NEBL: variants seen among roughly 807,000 people sequenced by gnomAD.
NEBL encodes LIM and SH3 protein 2.
NEBL carries 122 observed loss-of-function variants against 140.2 expected under a neutral mutation model. The ratio of observed to expected loss-of-function variants is 0.87; its 90% CI spans 0.75 to 1.01. The LOEUF is 1.01. Among genes scored for constraint, NEBL ranks in the 50% least tolerant of loss-of-function variants. The pLI is 0.00. For missense variants in NEBL, 1,365 were observed against 1,231.3 expected (o/e 1.11, Z -1.62); for synonymous variants, 436 against 398.9 (o/e 1.09, Z -1.11).
At chr10:21,108,141 G>A (rs1353390422) in intron 2 of NEBL, among the ~76,000 whole-genome samples, 1 of 151,946 alleles carries the variant, frequency 6.6e-6, no homozygotes, top group Non-Finnish European at 1.5e-5. Context: ...TTTTGAAGGG[G>A]TTTTTATGTC....
At chr10:20,885,068 A>AAT (rs138077240) in intron 4 of NEBL, among the ~76,000 whole-genome samples, 19,405 of 152,186 alleles carry the variant, frequency 0.13, 1,582 homozygotes, top group African/African-American at 0.24. Flanking sequence ...ACTTTAAGAT[A>AAT]AGTTTGTTTT....
At chr10:20,813,691 CTA>C (rs749137631) in intron 23 of NEBL, 7 of 466,710 alleles carry the variant, frequency 1.5e-5, no homozygotes, top group Middle Eastern at 5.9e-4. Flanking sequence ...ATCTTTCACA[CTA>C]TGAGTTTACA....
At chr10:21,271,987 T>C (rs1842865531) in intron 1 of NEBL, among the ~76,000 whole-genome samples, 1 of 151,632 alleles carries the variant, frequency 6.6e-6, no homozygotes, top group Non-Finnish European at 1.5e-5. Flanking sequence ...AGATGGAGTC[T>C]CACTCTGTCA....
intron 13 of NEBL, among the ~76,000 whole-genome samples, chr10:20,840,138 A>T (rs548506844): frequency 2.0e-5 from 3 of 152,124 alleles, no homozygotes; most frequent in African/African-American, 7.2e-5. Flanking sequence ...GAGTTTCAAA[A>T]TATGGGGACA....
At chr10:21,004,448 C>A (rs751829260) in intron 3 of NEBL, among the ~76,000 whole-genome samples, 1 of 152,122 alleles carries the variant, frequency 6.6e-6, no homozygotes, top group African/African-American at 2.4e-5. Flanking sequence ...GGGCCGGGCA[C>A]GGTGGCTCAC....
rs957204366 is a variant in NEBL at position 21,118,637 on chromosome 10, A to G, written c.164+53746T>C. 1.1e-4 allele frequency among the ~76,000 whole-genome samples: 16 copies of G among 152,128 alleles called. 1 individual carries two copies. The highest frequency in any genetic ancestry group is 3.9e-4 in the African/African-American group (16 of 41,438). ...TGTTTCTTTACTGAAAAAAAAAACT[A>G]TTATTTGTTAGATGTATTTAGACAC... On this transcript the variant is annotated intron_variant, in intron 2 of 6. Transcript: ENST00000417816.
intron 1 of NEBL, among the ~76,000 whole-genome samples, chr10:21,288,850 A>AT (rs1554836851): frequency 0.02 from 1,434 of 73,074 alleles, 67 homozygotes; most frequent in African/African-American, 0.062. Context: ...ATATATATAT[A>AT]AAAATTTTTT....
intron 2 of NEBL, among the ~76,000 whole-genome samples, chr10:21,121,509 T>A (rs527708994): frequency 2.6e-5 from 4 of 152,350 alleles, no homozygotes; most frequent in African/African-American, 9.6e-5. Context: ...CAAGTTGTCA[T>A]AGGAAAAGTC....
At chr10:21,176,825 A>C (rs781212244), upstream of NEBL, among the ~76,000 whole-genome samples, 7 of 152,232 alleles carry the variant, frequency 4.6e-5, no homozygotes, top group Non-Finnish European at 5.9e-5. Flanking sequence ...CTGTATTTAT[A>C]AAGTTGAATT....
chr10:20,798,818 T>A (rs1344974348), intron 26 of NEBL, among the ~76,000 whole-genome samples: 2 of 152,216 alleles, frequency 1.3e-5, no homozygotes, highest in African/African-American at 4.8e-5. Flanking sequence ...TTTGACTGAA[T>A]CTTGGCACAT....
At chr10:20,982,355 G>C (rs1268421281) in intron 3 of NEBL, among the ~76,000 whole-genome samples, 4 of 150,056 alleles carry the variant, frequency 2.7e-5, no homozygotes, top group African/African-American at 1.0e-4. Context: ...ATTTCAGCAA[G>C]GGTATCCTAT....
intron 19 of NEBL, among the ~76,000 whole-genome samples, chr10:20,821,639 A>G (rs1839324908): frequency 6.6e-6 from 1 of 152,214 alleles, no homozygotes; most frequent in African/African-American, 2.4e-5. Flanking sequence ...GAAGGTAAAC[A>G]TTAGAACAAT....
At chr10:20,897,700 G>A (rs1300870416), upstream of NEBL, 9 of 271,824 alleles carry the variant, frequency 3.3e-5, no homozygotes, top group Non-Finnish European at 5.1e-5. Flanking sequence ...TTGGGGTAGT[G>A]AATCTGGATC....
chr10:21,086,845 C>T (rs1160273532), intron 2 of NEBL, among the ~76,000 whole-genome samples: 1 of 152,148 alleles, frequency 6.6e-6, no homozygotes, highest in East Asian at 1.9e-4. Flanking sequence ...ATGACAAAGA[C>T]AGATACCAGT....
At chr10:21,029,226 T>C in intron 2 of NEBL, 3 of 1,484,896 alleles carry the variant, frequency 2.0e-6, no homozygotes, top group Non-Finnish European at 2.8e-6. Context: ...TTCCCACTGC[T>C]CCACCGGCTG....
intron 26 of NEBL, among the ~76,000 whole-genome samples, chr10:20,802,059 A>T (rs1564336497): frequency 6.6e-6 from 1 of 152,176 alleles, no homozygotes; most frequent in Non-Finnish European, 1.5e-5. Flanking sequence ...TCCGGAGGAA[A>T]ACAGAAACAC....
chr10:21,213,352 G>A (rs964017732), intron 3 of NEBL, among the ~76,000 whole-genome samples: 1 of 152,172 alleles, frequency 6.6e-6, no homozygotes, highest in Non-Finnish European at 1.5e-5. Context: ...CATTAGAGAA[G>A]ATTCAAAACA....
At chr10:20,927,397 G>T (rs1208493364) in intron 4 of NEBL, among the ~76,000 whole-genome samples, 1 of 152,130 alleles carries the variant, frequency 6.6e-6, no homozygotes, top group Non-Finnish European at 1.5e-5. Context: ...GAAGAAGTTT[G>T]GTTCTTGTAG....
chr10:20,951,663 T>A (rs886633475), intron 4 of NEBL, among the ~76,000 whole-genome samples: 2 of 152,206 alleles, frequency 1.3e-5, no homozygotes, highest in East Asian at 1.9e-4. Flanking sequence ...AAACAACAGG[T>A]TTTAAACCTG....
Sources: gnomAD v4.1 joint callset for allele counts (sites outside exome capture counted in the v4.1 genomes callset) on GRCh38, gnomAD v4.1.1 for gene constraint, MANE v1.5 for transcripts, NCBI Gene and HGNC (gene_info 2026-07-23, HGNC 2026-07-21) for gene names.